CACNA1B: variants seen among roughly 807,000 people sequenced by gnomAD.
CACNA1B encodes the protein calcium voltage-gated channel subunit alpha1 B, also known as voltage-dependent N-type calcium channel subunit alpha-1B.
Under a neutral mutation model 247.2 loss-of-function variants are expected in CACNA1B, and 70 were observed. That is an observed-to-expected ratio of 0.28 (90% CI 0.23 to 0.35). CACNA1B has a LOEUF of 0.35. CACNA1B is among the 10% of genes least tolerant of loss of function. CACNA1B has a pLI of 1.00. For synonymous variants in CACNA1B, 1,231 were observed against 1,294.4 expected (o/e 0.95, Z 1.05); for missense variants, 2,367 against 3,197.4 (o/e 0.74, Z 6.26).
rs1962176385 is a variant in CACNA1B, at chr9:138,123,650, CA to C, written c.*1652del. ...GTTCAGTGTGTGGATGTCATTAACC[CA>C]TAGGGCTATGCAACAAAAGACACAT... On this transcript the variant is annotated 3_prime_UTR_variant, in exon 47 of 47. Transcript: ENST00000371372. The C allele has an allele frequency of 1.3e-5, 2 of 151,810 alleles. No homozygotes were observed. Among genetic ancestry groups the C allele is most frequent in the Non-Finnish European group, 2.9e-5 (2 of 67,988 alleles). 9.4% of individuals were successfully genotyped at this position (151,810 alleles called of 1,614,324 possible). A position where few individuals can be genotyped will look rare whatever the true frequency, so the allele number is the denominator to read the frequency against.
chr9:138,027,931 A>G (rs940499999), intron 20 of CACNA1B, among the ~76,000 whole-genome samples: 7 of 151,838 alleles, frequency 4.6e-5, no homozygotes, highest in African/African-American at 1.7e-4. Context: ...TTAAATATCA[A>G]TGACATAGAG....
At chr9:137,998,996 G>A (rs1958532468) in intron 15 of CACNA1B, among the ~76,000 whole-genome samples, 1 of 152,120 alleles carries the variant, frequency 6.6e-6, no homozygotes. Context: ...GGTCACTCAG[G>A]AAACTTCAAC....
At chr9:138,078,476 T>C (rs535392838) in intron 36 of CACNA1B, among the ~76,000 whole-genome samples, 102 of 152,310 alleles carry the variant, frequency 6.7e-4, no homozygotes, top group South Asian at 3.9e-3. Context: ...TTGACATCCG[T>C]GGAAAAGGGT....
chr9:137,922,302 G>A (rs1004130079), intron 6 of CACNA1B, among the ~76,000 whole-genome samples: 9 of 150,662 alleles, frequency 6.0e-5, no homozygotes, highest in Admixed American at 6.6e-5. Flanking sequence ...CCTGGGAGCA[G>A]AATAAAGTGC....
At chr9:138,025,908 G>A (rs1445104020) in intron 20 of CACNA1B, among the ~76,000 whole-genome samples, 1 of 152,174 alleles carries the variant, frequency 6.6e-6, no homozygotes, top group Non-Finnish European at 1.5e-5. Context: ...AGAGAAAAAA[G>A]GGGTAGAAGA....
chr9:137,919,933 CG>C lies in CACNA1B; in HGVS notation c.966+2504del, dbSNP rs1957459145. On this transcript the variant is annotated intron_variant, in intron 6 of 46. Transcript: ENST00000371372. This position sits in a 1 kb window ranked among gnomAD's most constrained non-coding sequence, Gnocchi z 4.6. ...TCAAATGGAGCTTTGGGAGAACACA[CG>C]GATGAGCCTGGGGAGAGACGAGTCG... Among the ~76,000 whole-genome samples the C allele has an allele frequency of 6.6e-6, 1 of 152,120 alleles. No homozygotes were observed. The highest frequency in any genetic ancestry group is 6.6e-5 in the Admixed American group (1 of 15,266).
intron 42 of CACNA1B, 38 bp from the exon 43 acceptor site, chr9:138,117,908 C>T: frequency 6.6e-7 from 1 of 1,519,644 alleles, no homozygotes; most frequent in Non-Finnish European, 8.9e-7. Flanking sequence ...CCTGCAGTCT[C>T]TGACCCTACA....
chr9:138,114,340 C>G (rs200803711), intron 40 of CACNA1B, 38 bp from the exon 41 acceptor site: 155 of 1,027,062 alleles, frequency 1.5e-4, no homozygotes, highest in Non-Finnish European at 2.3e-4. Context: ...GATCCTCTGC[C>G]CCCTTCTCCG....
intron 19 of CACNA1B, among the ~76,000 whole-genome samples, chr9:138,024,249 G>T (rs1218281585): frequency 6.6e-6 from 1 of 152,180 alleles, no homozygotes; most frequent in East Asian, 1.9e-4. Context: ...GCGGGGTGTG[G>T]GGGCCAGGCT....
At chr9:138,099,286 C>T (rs111207811) in intron 37 of CACNA1B, among the ~76,000 whole-genome samples, 138 of 152,314 alleles carry the variant, frequency 9.1e-4, no homozygotes, top group African/African-American at 2.9e-3. Flanking sequence ...ATGCACAAGG[C>T]GCGCACGTGT....
At chr9:137,898,588 C>A (rs941145430) in intron 3 of CACNA1B, among the ~76,000 whole-genome samples, 1 of 152,132 alleles carries the variant, frequency 6.6e-6, no homozygotes, top group South Asian at 2.1e-4. Flanking sequence ...TTGCTGCAGC[C>A]TCCACCTTCC....
In CACNA1B at chr9:138,050,433, C is replaced by T. The variant is rs1262742859; in HGVS notation, c.3710+1118C>T. ...CACAGCCCGAGGACCGGGGACATCG[C>T]GAGGCGCTCCCGGTGCAGCTCCTCT... On this transcript the variant is annotated intron_variant, in intron 24 of 46. Transcript: ENST00000371372. The surrounding 1 kb of genome is among the most constrained non-coding windows in gnomAD (Gnocchi z 5.2). 6.6e-6 allele frequency among the ~76,000 whole-genome samples: 1 copy of T among 152,206 alleles called. No individual in the cohort carries two copies. Among genetic ancestry groups the T allele is most frequent in the African/African-American group, 2.4e-5 (1 of 41,456 alleles).
chr9:137,918,005 C>A (rs1277674612), intron 6 of CACNA1B, among the ~76,000 whole-genome samples: 1 of 152,252 alleles, frequency 6.6e-6, no homozygotes, highest in African/African-American at 2.4e-5. Context: ...AACCGCGGAG[C>A]AGGGCCGAGG....
rs138527783 is a variant in CACNA1B at position 138,033,746 on chromosome 9, C to T, written c.3286+8574C>T. ...TCACAGGGTGGCAGGACAGAGTGAG[C>T]GCAAGACACTTAATAAGACCATCCT... On this transcript the variant is annotated intron_variant, in intron 20 of 46. Coordinates refer to ENST00000371372, the MANE Select transcript of CACNA1B (RefSeq NM_000718.4). Among the ~76,000 whole-genome samples, 244 of 152,170 alleles carry T rather than the reference C, an allele frequency of 1.6e-3. 1 individual carries two copies. Among genetic ancestry groups the T allele is most frequent in the African/African-American group, 5.1e-3 (210 of 41,504 alleles).
rs1957422268 is a variant in CACNA1B at position 137,917,201 on chromosome 9, A to G, written c.776-40A>G. The stretch of plus-strand genomic sequence containing the variant: ...CCTGGTGGGGATTGGAGAGCTTGGT[A>G]TTTCTGAGCTCAGGGTCTGCTTCAT... On this transcript the variant is annotated intron_variant, in intron 5 of 46. Transcript: ENST00000371372. This position sits in a 1 kb window ranked among gnomAD's most constrained non-coding sequence, Gnocchi z 5.5. 1.9e-6 allele frequency: 3 copies of G among 1,567,206 alleles called. No homozygotes were observed. The highest frequency in any genetic ancestry group is 2.6e-6 in the Non-Finnish European group (3 of 1,151,144).
In CACNA1B at chr9:138,122,363, TG is replaced by T. The variant is rs1486810471; in HGVS notation, c.*368del. The T allele has an allele frequency of 1.5e-5, 4 of 275,680 alleles. No homozygotes were observed. The highest frequency in any genetic ancestry group is 1.4e-4 in the Admixed American group (3 of 20,842). The allele number at this position is 275,680 out of a possible 1,614,324, so 17.1% of individuals were successfully genotyped here. ...CCGTTGTGAGGAGCTCTGCGTCCTG[TG>T]GGGAGCACCCTTCACGTGGCCGTGC... On this transcript the variant is annotated 3_prime_UTR_variant, in exon 47 of 47. Transcript: ENST00000371372.
intron 37 of CACNA1B, among the ~76,000 whole-genome samples, chr9:138,098,935 G>A (rs1338830377): frequency 6.6e-6 from 1 of 152,246 alleles, no homozygotes; most frequent in Non-Finnish European, 1.5e-5. Flanking sequence ...AGGCAGCTGA[G>A]CAGATTGGGC....
intron 36 of CACNA1B, among the ~76,000 whole-genome samples, chr9:138,079,986 C>T (rs1960471314): frequency 6.6e-6 from 1 of 152,072 alleles, no homozygotes; most frequent in South Asian, 2.1e-4. Flanking sequence ...CTTGTTGCCA[C>T]AAGTTTGAGA....
intron 10 of CACNA1B, among the ~76,000 whole-genome samples, chr9:137,961,722 TGATTGTGGTGGATA>T (rs1288455791): frequency 1.8e-4 from 28 of 152,300 alleles, no homozygotes; most frequent in Admixed American, 3.3e-4. Context: ...GAAGCCTACT[TGATTGTGGTGGATA>T]GATTGTGGTG....
Sources: allele counts gnomAD v4.1 joint callset (sites outside exome capture counted in the v4.1 genomes callset), GRCh38; gene constraint gnomAD v4.1.1; non-coding constraint Gnocchi (gnomAD v3.1); transcripts MANE v1.5; gene names NCBI Gene and HGNC (gene_info 2026-07-23, HGNC 2026-07-21).